TSHZ3: variants seen among roughly 807,000 people sequenced by gnomAD.
TSHZ3 encodes teashirt homolog 3.
A neutral mutation model predicts 64.5 loss-of-function variants in TSHZ3; 10 were observed. The observed-to-expected ratio is 0.16, with a 90% CI of 0.10 to 0.26. TSHZ3 has a LOEUF of 0.26. Ranked by LOEUF, TSHZ3 falls within the 10% of genes least tolerant of loss-of-function variation. The probability of loss-of-function intolerance (pLI) is 1.00; values close to 1 mark genes in which losing one functional copy is unlikely to be tolerated. For synonymous variants in TSHZ3, 608 were observed against 593.1 expected (o/e 1.03, Z -0.36); for missense variants, 1,242 against 1,421.7 (o/e 0.87, Z 2.03).
At chr19:31,249,170 T>C (rs188728107) in intron 1 of TSHZ3, among the ~76,000 whole-genome samples, 1 of 152,180 alleles carries the variant, frequency 6.6e-6, no homozygotes, top group Admixed American at 6.5e-5. Flanking sequence ...GTCAAGTCAG[T>C]GTCCCGTTGG....
intron 1 of TSHZ3, among the ~76,000 whole-genome samples, chr19:31,290,517 AG>A (rs1976544859): frequency 2.0e-5 from 3 of 152,110 alleles, no homozygotes; most frequent in African/African-American, 7.2e-5. Context: ...GGAGAAAAAA[AG>A]GGTTCTAGAG....
intron 1 of TSHZ3, among the ~76,000 whole-genome samples, chr19:31,252,010 T>C (rs56062512): frequency 0.041 from 6,316 of 152,276 alleles, 400 homozygotes; most frequent in African/African-American, 0.14. Context: ...TAAGCACCCC[T>C]GGGCACTGAG....
At chr19:31,280,890 G>A (rs975512103) in intron 1 of TSHZ3, among the ~76,000 whole-genome samples, 29 of 152,174 alleles carry the variant, frequency 1.9e-4, no homozygotes, top group East Asian at 5.8e-4. Context: ...TCTTGCATTC[G>A]GTGACTTGGG....
At chr19:31,321,088 CTG>C (rs1304710644) in intron 1 of TSHZ3, among the ~76,000 whole-genome samples, 2 of 152,240 alleles carry the variant, frequency 1.3e-5, no homozygotes, top group African/African-American at 2.4e-5. Context: ...GAATGTAAAA[CTG>C]TGTCCTGTTG....
intron 1 of TSHZ3, among the ~76,000 whole-genome samples, chr19:31,335,302 T>C (rs950484010): frequency 6.6e-6 from 1 of 152,202 alleles, no homozygotes; most frequent in African/African-American, 2.4e-5. Context: ...AAAGGAGAGA[T>C]GGCAACTACA....
At chr19:31,206,969 AT>A (rs1469729524) in intron 4 of TSHZ3, among the ~76,000 whole-genome samples, 2 of 152,172 alleles carry the variant, frequency 1.3e-5, no homozygotes, top group Non-Finnish European at 2.9e-5. Flanking sequence ...TCCTTTTCTA[AT>A]TTTTTTAGTC....
At chr19:31,244,221 TC>T (rs1975731093) in intron 1 of TSHZ3, among the ~76,000 whole-genome samples, 1 of 152,132 alleles carries the variant, frequency 6.6e-6, no homozygotes, top group Non-Finnish European at 1.5e-5. Context: ...GGGGCGGATT[TC>T]CTCCCCATGC....
chr19:31,238,938 C>A (rs895551103), intron 3 of TSHZ3, among the ~76,000 whole-genome samples: 3 of 152,108 alleles, frequency 2.0e-5, no homozygotes, highest in Non-Finnish European at 4.4e-5. Context: ...ACTTCCCTAG[C>A]ATGTTTTATA....
chr19:31,241,414 A>G (rs1345961742), intron 3 of TSHZ3, among the ~76,000 whole-genome samples: 1 of 152,070 alleles, frequency 6.6e-6, no homozygotes, highest in Non-Finnish European at 1.5e-5. Context: ...AGATCTCTTC[A>G]CTCTAATAAG....
intron 1 of TSHZ3, among the ~76,000 whole-genome samples, chr19:31,256,677 G>A (rs1975915293): frequency 6.6e-6 from 1 of 152,140 alleles, no homozygotes; most frequent in Non-Finnish European, 1.5e-5. Context: ...TTGCAATATG[G>A]GAACAGCCCT....
At chr19:31,338,951 C>T (rs1917343562) in intron 1 of TSHZ3, among the ~76,000 whole-genome samples, 1 of 151,994 alleles carries the variant, frequency 6.6e-6, no homozygotes, top group Non-Finnish European at 1.5e-5. Flanking sequence ...CACACACAGG[C>T]CCCTACCCTG....
At chr19:31,273,363 G>A (rs1976173227), downstream of TSHZ3, among the ~76,000 whole-genome samples, 1 of 152,176 alleles carries the variant, frequency 6.6e-6, no homozygotes, top group African/African-American at 2.4e-5. Flanking sequence ...AGAACCTGCG[G>A]CCTACCTTGG....
chr19:31,244,876 TC>T (rs1975740101), intron 1 of TSHZ3, among the ~76,000 whole-genome samples: 1 of 152,202 alleles, frequency 6.6e-6, no homozygotes, highest in Non-Finnish European at 1.5e-5. Context: ...ACTCTTGGGC[TC>T]AAGACATCTG....
intron 5 of TSHZ3, among the ~76,000 whole-genome samples, chr19:31,156,597 T>C (rs1317148439): frequency 6.6e-6 from 1 of 152,170 alleles, no homozygotes; most frequent in African/African-American, 2.4e-5. Flanking sequence ...AGCACCATCT[T>C]TTTTGGTGAT....
At chr19:31,200,414 T>C (rs1975064162) in intron 5 of TSHZ3, among the ~76,000 whole-genome samples, 1 of 152,198 alleles carries the variant, frequency 6.6e-6, no homozygotes, top group African/African-American at 2.4e-5. Flanking sequence ...AATGAGCTAC[T>C]AAGCCATAAA....
At chr19:31,153,366 T>C (rs1404630686) in intron 6 of TSHZ3, among the ~76,000 whole-genome samples, 1 of 152,216 alleles carries the variant, frequency 6.6e-6, no homozygotes, top group Admixed American at 6.5e-5. Flanking sequence ...TGTGTAAAAT[T>C]AATTCCCTCT....
chr19:31,252,949 A>G (rs896165878), intron 1 of TSHZ3, among the ~76,000 whole-genome samples: 4 of 152,228 alleles, frequency 2.6e-5, no homozygotes, highest in Non-Finnish European at 4.4e-5. Context: ...TCATAAAATT[A>G]TGGTGAAGAT....
Position 31,279,348 on chromosome 19 carries a change from T to C in TSHZ3, c.445A>G (p.Ser149Gly), listed in dbSNP as rs565256233. The stretch of plus-strand genomic sequence containing the variant: ...CTGCTGCTACTGCTGCTGCTGCTGC[T>C]GCCGTTGTTCTTCTCCGAGGAGGGC... ...HQPSSEKNNG[S>G]SSSSSSSSSS... Residue 149 changes from serine (S) to glycine (G), a missense_variant, in exon 2 of 2, where the codon AGC becomes GGC. Coordinates refer to ENST00000240587, the MANE Select transcript of TSHZ3 (RefSeq NM_020856.4). This position sits in a 1 kb window ranked among gnomAD's most constrained non-coding sequence, Gnocchi z 6.4. 9 of 1,614,124 alleles carry C rather than the reference T, an allele frequency of 5.6e-6. No individual in the cohort carries two copies. The highest frequency in any genetic ancestry group is 5.3e-5 in the African/African-American group (4 of 75,058).
chr19:31,195,155 G>T (rs995952406), intron 5 of TSHZ3, among the ~76,000 whole-genome samples: 1 of 151,972 alleles, frequency 6.6e-6, no homozygotes, highest in Admixed American at 6.6e-5. Context: ...GAAAAGAGGA[G>T]AAAGGTACAG....
Sources: gnomAD v4.1 joint callset for allele counts (sites outside exome capture counted in the v4.1 genomes callset) on GRCh38, gnomAD v4.1.1 for gene constraint, Gnocchi (gnomAD v3.1) non-coding constraint, MANE v1.5 for transcripts, NCBI Gene and HGNC (gene_info 2026-07-23, HGNC 2026-07-21) for gene names.